ZSWIM5: variants seen among roughly 807,000 people sequenced by gnomAD.
The protein encoded by ZSWIM5 is zinc finger SWIM domain-containing protein 5.
In ZSWIM5, 55 loss-of-function variants were observed where a neutral mutation model predicts 119.6. That is an observed-to-expected ratio of 0.46 (90% CI 0.37 to 0.58). The LOEUF (loss-of-function observed/expected upper bound fraction) is 0.58. ZSWIM5 is among the 20% of genes least tolerant of loss of function. ZSWIM5 has a pLI of 0.00. For synonymous variants in ZSWIM5, 537 were observed against 606.9 expected, an observed-to-expected ratio of 0.88 and a Z score of 1.69; for missense variants, 1,193 against 1,512.8, an observed-to-expected ratio of 0.79 and a Z score of 3.51.
chr1:45,141,016 G>A (rs1283539848), intron 1 of ZSWIM5, among the ~76,000 whole-genome samples: 2 of 152,066 alleles, frequency 1.3e-5, no homozygotes, highest in African/African-American at 4.8e-5. Flanking sequence ...CAAAGGGTGG[G>A]AAAAAGAACT....
chr1:45,069,415 GAC>G (rs2149004049), intron 2 of ZSWIM5, among the ~76,000 whole-genome samples: 1 of 148,972 alleles, frequency 6.7e-6, no homozygotes, highest in East Asian at 2.0e-4. Flanking sequence ...GACAGAGTGA[GAC>G]TCCGTCTCCA....
intron 2 of ZSWIM5, chr1:45,070,329 T>C (rs1008705928): frequency 4.2e-6 from 6 of 1,413,190 alleles, no homozygotes; most frequent in East Asian, 2.3e-5. Context: ...CACCAGAGCA[T>C]ACACAGTCAT....
At chr1:45,167,847 G>A (rs1645917343) in intron 1 of ZSWIM5, among the ~76,000 whole-genome samples, 1 of 152,176 alleles carries the variant, frequency 6.6e-6, no homozygotes. Flanking sequence ...AGGATGTGGA[G>A]AAACAGGAAC....
rs184929221 is a variant in ZSWIM5 at position 45,132,696 on chromosome 1, T to C, written c.596-44459A>G. On this transcript the variant is annotated intron_variant, in intron 1 of 13. Transcript: ENST00000359600. ...GTTACATATGTATACATGTGCCATG[T>C]TGGTGTGCTGCACCCATTAACTCGT... 3.0e-3 allele frequency among the ~76,000 whole-genome samples: 459 copies of C among 152,270 alleles called. 2 individuals carry two copies. Among genetic ancestry groups the C allele is most frequent in the African/African-American group, 0.011 (439 of 41,550 alleles).
intron 1 of ZSWIM5, among the ~76,000 whole-genome samples, chr1:45,139,727 C>T (rs1645715894): frequency 1.1e-5 from 1 of 91,382 alleles, no homozygotes; most frequent in Admixed American, 1.6e-4. Context: ...TTGGTAGAGA[C>T]AGGGTCTTGC....
chr1:45,152,404 T>A (rs1645802837), intron 1 of ZSWIM5, among the ~76,000 whole-genome samples: 1 of 152,062 alleles, frequency 6.6e-6, no homozygotes, highest in Admixed American at 6.6e-5. Context: ...AGCAGAACCA[T>A]CAGGAGTTGG....
At chr1:45,126,972 G>A (rs1645625638) in intron 1 of ZSWIM5, among the ~76,000 whole-genome samples, 1 of 152,094 alleles carries the variant, frequency 6.6e-6, no homozygotes, top group Admixed American at 6.5e-5. Context: ...CCGAGTAGCT[G>A]GGATTACAGG....
intron 1 of ZSWIM5, among the ~76,000 whole-genome samples, chr1:45,099,645 C>T (rs1247418288): frequency 1.3e-5 from 2 of 152,272 alleles, no homozygotes; most frequent in African/African-American, 4.8e-5. Context: ...TGTGAAAATC[C>T]TCAATAAAAT....
intron 11 of ZSWIM5, among the ~76,000 whole-genome samples, chr1:45,020,998 C>T (rs974187191): frequency 1.3e-5 from 2 of 152,122 alleles, no homozygotes; most frequent in East Asian, 1.9e-4. Context: ...ATTCTCTCCA[C>T]CTTTTCATCT....
At chr1:45,123,561 C>G (rs1181756144) in intron 1 of ZSWIM5, among the ~76,000 whole-genome samples, 1 of 152,034 alleles carries the variant, frequency 6.6e-6, no homozygotes, top group Non-Finnish European at 1.5e-5. Flanking sequence ...ATCTGAAAAA[C>G]AGAGAATAGA....
chr1:45,180,799 C>T (rs527618022), intron 1 of ZSWIM5, among the ~76,000 whole-genome samples: 12 of 152,080 alleles, frequency 7.9e-5, no homozygotes, highest in African/African-American at 2.7e-4. Flanking sequence ...TCTGCAGACA[C>T]CGCTGCTGAT....
intron 1 of ZSWIM5, among the ~76,000 whole-genome samples, chr1:45,198,576 CA>C (rs35905466): frequency 0.16 from 24,274 of 152,130 alleles, 2,586 homozygotes; most frequent in African/African-American, 0.3. Flanking sequence ...TTCTCCACCA[CA>C]ACAATGTTCC....
At chr1:45,156,218 A>T (rs1459281459) in intron 1 of ZSWIM5, among the ~76,000 whole-genome samples, 1 of 152,156 alleles carries the variant, frequency 6.6e-6, no homozygotes, top group Non-Finnish European at 1.5e-5. Flanking sequence ...GTTCTCACTT[A>T]CAAGTGGGAA....
chr1:45,035,850 T>C, intron 9 of ZSWIM5, 27 bp from the exon 10 acceptor site: 1 of 1,610,774 alleles, frequency 6.2e-7, no homozygotes. Context: ...CAGCCAGTTA[T>C]TTATCTGTAT....
intron 1 of ZSWIM5, among the ~76,000 whole-genome samples, chr1:45,144,791 C>G (rs1645750990): frequency 6.6e-6 from 1 of 152,096 alleles, no homozygotes; most frequent in Non-Finnish European, 1.5e-5. Context: ...CAAAAGCAGA[C>G]TCCATAAAAG....
At chr1:45,184,817 A>G (rs1646047020) in intron 1 of ZSWIM5, among the ~76,000 whole-genome samples, 2 of 152,078 alleles carry the variant, frequency 1.3e-5, no homozygotes, top group Non-Finnish European at 2.9e-5. Flanking sequence ...GAAAATGGCC[A>G]TACTGCCCAA....
chr1:45,182,340 C>G (rs1646025552), intron 1 of ZSWIM5, among the ~76,000 whole-genome samples: 1 of 151,200 alleles, frequency 6.6e-6, no homozygotes, highest in South Asian at 2.1e-4. Flanking sequence ...GAAGGCGGAG[C>G]TTGCAGTGAG....
At chr1:45,024,462 G>A (rs1184893339) in intron 11 of ZSWIM5, among the ~76,000 whole-genome samples, 2 of 151,882 alleles carry the variant, frequency 1.3e-5, no homozygotes, top group Admixed American at 1.3e-4. Flanking sequence ...CAAGGGCTGG[G>A]ATTACAGGCG....
At chr1:45,051,293 T>C in intron 4 of ZSWIM5, 40 bp from the exon 5 acceptor site, 3 of 1,573,756 alleles carry the variant, frequency 1.9e-6, no homozygotes, top group Non-Finnish European at 2.6e-6. Context: ...CATCTCTCCT[T>C]TGATGTGTGT....
Sources: allele counts gnomAD v4.1 joint callset (sites outside exome capture counted in the v4.1 genomes callset), GRCh38; gene constraint gnomAD v4.1.1; transcripts MANE v1.5; gene names NCBI Gene and HGNC (gene_info 2026-07-23, HGNC 2026-07-21).